Variants in HACE1 observed in about 807,000 individuals in gnomAD.
HACE1 encodes E3 ubiquitin-protein ligase HACE1.
HACE1 carries 73 observed loss-of-function variants against 118.4 expected under a neutral mutation model. The ratio of observed to expected loss-of-function variants is 0.62; its 90% CI spans 0.51 to 0.75. HACE1 has a LOEUF of 0.75. Among genes scored for constraint, HACE1 ranks in the 30% least tolerant of loss-of-function variants. The pLI, the probability that HACE1 is intolerant of heterozygous loss-of-function variation, is 0.00. For missense variants in HACE1, 749 were observed against 1,102.2 expected (o/e 0.68, Z 4.54); for synonymous variants, 368 against 374.8 (o/e 0.98, Z 0.21).
chr6:104,855,772 C>A (rs1035378595), intron 1 of HACE1, among the ~76,000 whole-genome samples: 2 of 151,974 alleles, frequency 1.3e-5, no homozygotes, highest in Non-Finnish European at 2.9e-5. Flanking sequence ...CATTAAGTCA[C>A]CCCATAATAA....
intron 7 of HACE1, among the ~76,000 whole-genome samples, chr6:104,800,111 C>T (rs1015003038): frequency 2.6e-5 from 4 of 152,096 alleles, no homozygotes; most frequent in African/African-American, 7.2e-5. Context: ...TCACTGCTAG[C>T]GCAGCAGTCT....
chr6:104,833,207 A>G, intron 5 of HACE1, 34 bp from the exon 6 acceptor site: 6 of 1,598,290 alleles, frequency 3.8e-6, no homozygotes, highest in Non-Finnish European at 5.1e-6. Flanking sequence ...ACATTTGTGT[A>G]ATAGTGTTTT....
At position 104,771,186 on chromosome 6, in the gene HACE1, TACTC is replaced by T; in HGVS notation, c.2211+3_2211+6del. 6.3e-7 allele frequency: 1 copy of T among 1,590,734 alleles called. No homozygotes were observed. The highest frequency in any genetic ancestry group is 1.1e-5 in the South Asian group (1 of 90,590). ...ACAATGGTTAAGGTAAAAACTGAAA[TACTC>T]ACTTTATTATTTTGTGTCACAAGAA... is the stretch of plus-strand genomic sequence containing the variant. On this transcript the variant is annotated splice_donor_5th_base_variant and intron_variant, in intron 19 of 23. Coordinates refer to ENST00000262903, the MANE Select transcript of HACE1 (RefSeq NM_020771.4).
At chr6:104,737,470 C>T (rs925943839) in intron 22 of HACE1, among the ~76,000 whole-genome samples, 10 of 152,098 alleles carry the variant, frequency 6.6e-5, no homozygotes, top group Admixed American at 2.0e-4. Context: ...AGTGGGTGTG[C>T]GCACCGTGCG....
intron 19 of HACE1, among the ~76,000 whole-genome samples, chr6:104,760,305 TA>T (rs1276424457): frequency 6.6e-6 from 1 of 152,112 alleles, no homozygotes. Context: ...CTCAATAAAA[TA>T]CCGGCAAACC....
intron 22 of HACE1, among the ~76,000 whole-genome samples, chr6:104,739,055 A>T (rs1157786724): frequency 6.6e-6 from 1 of 150,986 alleles, no homozygotes; most frequent in Non-Finnish European, 1.5e-5. Context: ...AGAATTTCAT[A>T]TCCAGCCAAA....
chr6:104,729,948 C>T (rs1446564845), intron 23 of HACE1, among the ~76,000 whole-genome samples, 184 bp from the exon 24 acceptor site: 3 of 152,130 alleles, frequency 2.0e-5, no homozygotes, highest in Non-Finnish European at 4.4e-5. Flanking sequence ...CAGTTTCTTT[C>T]AGCATGCAAA....
intron 1 of HACE1, chr6:104,858,460 G>C (rs146792589): frequency 0.013 from 5,056 of 384,506 alleles, 49 homozygotes; most frequent in African/African-American, 0.018. Flanking sequence ...CAACACTTTG[G>C]GGGGAGCAGG....
At chr6:104,785,369 T>TAAAAAAAAAAAAAA (rs71729885) in intron 11 of HACE1, 50 bp from the exon 12 acceptor site, 3 of 743,610 alleles carry the variant, frequency 4.0e-6, no homozygotes, top group Non-Finnish European at 2.1e-6. Context: ...ACTACAGGAT[T>TAAAAAAAAAAAAAA]AAAAAAAAAA....
intron 6 of HACE1, among the ~76,000 whole-genome samples, chr6:104,822,423 T>G (rs1282892261): frequency 3.4e-5 from 5 of 148,012 alleles, no homozygotes. Flanking sequence ...TGTGGTGGTG[T>G]GTGCCTGTAG....
chr6:104,793,192 G>A lies in HACE1; in HGVS notation c.924-1538C>T, dbSNP rs184331024. 1.1e-3 allele frequency among the ~76,000 whole-genome samples: 164 copies of A among 151,612 alleles called. 1 individual carries two copies. In the East Asian group the frequency reaches 0.017, roughly 15 times the overall value. ...TGAGGCAGGAGGATGGCATGAACCCGGGAGGTGGAGCTCGCAGTAAGCCGA... is the reference window on the plus strand; with the variant it reads ...TGAGGCAGGAGGATGGCATGAACCCAGGAGGTGGAGCTCGCAGTAAGCCGA... On this transcript the variant is annotated intron_variant, in intron 10 of 23. Coordinates refer to ENST00000262903, the MANE Select transcript of HACE1 (RefSeq NM_020771.4).
At chr6:104,816,805 AC>A (rs1026737233) in intron 6 of HACE1, among the ~76,000 whole-genome samples, 1 of 152,144 alleles carries the variant, frequency 6.6e-6, no homozygotes, top group Non-Finnish European at 1.5e-5. Flanking sequence ...AGGGGGCTGT[AC>A]CCTGCTGAGC....
At chr6:104,809,721 G>C (rs561285764) in intron 7 of HACE1, among the ~76,000 whole-genome samples, 65 of 150,610 alleles carry the variant, frequency 4.3e-4, no homozygotes, top group African/African-American at 1.4e-3. Flanking sequence ...AACAACATAG[G>C]AATCAGGGAG....
At chr6:104,793,927 T>C (rs1205432237) in intron 10 of HACE1, among the ~76,000 whole-genome samples, 1 of 152,234 alleles carries the variant, frequency 6.6e-6, no homozygotes, top group Non-Finnish European at 1.5e-5. Context: ...CCATAAGTGG[T>C]GAGAGAGCAC....
chr6:104,745,583 G>A (rs753160751), intron 20 of HACE1, among the ~76,000 whole-genome samples: 89 of 152,032 alleles, frequency 5.9e-4, no homozygotes, highest in Non-Finnish European at 1.1e-3. Flanking sequence ...TAGGACTACA[G>A]GCGCCTGCCA....
At chr6:104,796,156 T>G (rs545244296) in intron 9 of HACE1, among the ~76,000 whole-genome samples, 1 of 152,062 alleles carries the variant, frequency 6.6e-6, no homozygotes, top group African/African-American at 2.4e-5. Context: ...CAGGCTAGAG[T>G]GTAGTGGGCA....
intron 6 of HACE1, among the ~76,000 whole-genome samples, chr6:104,826,929 T>C (rs1444977599): frequency 6.6e-6 from 1 of 152,170 alleles, no homozygotes; most frequent in East Asian, 1.9e-4. Flanking sequence ...AAGAAACTAT[T>C]GCGGAGGAAC....
At chr6:104,822,647 G>A (rs533507098) in intron 6 of HACE1, among the ~76,000 whole-genome samples, 5 of 151,754 alleles carry the variant, frequency 3.3e-5, no homozygotes, top group Admixed American at 6.6e-5. Context: ...ACTAGAGGTC[G>A]GGAGTTCAAG....
At chr6:104,785,961 T>C (rs1782344885) in intron 11 of HACE1, 1 of 152,328 alleles carries the variant, frequency 6.6e-6, no homozygotes, top group Non-Finnish European at 1.5e-5. Context: ...TGTATATACA[T>C]ATACTTACAG....
Sources: gnomAD v4.1 joint callset for allele counts (sites outside exome capture counted in the v4.1 genomes callset) on GRCh38, gnomAD v4.1.1 for gene constraint, MANE v1.5 for transcripts, NCBI Gene and HGNC (gene_info 2026-07-23, HGNC 2026-07-21) for gene names.